FER1L6: variants seen among roughly 807,000 people sequenced by gnomAD.
The protein encoded by FER1L6 is fer-1-like protein 6.
A neutral mutation model predicts 219.2 loss-of-function variants in FER1L6; 177 were observed. The ratio of observed to expected loss-of-function variants is 0.81; its 90% CI spans 0.71 to 0.91. The LOEUF (loss-of-function observed/expected upper bound fraction) is 0.91, where lower values mean the gene tolerates loss of function less well. Ranked by LOEUF, FER1L6 falls within the 40% of genes least tolerant of loss-of-function variation. The pLI is 0.00. For missense variants in FER1L6, 2,153 were observed against 2,259.9 expected (o/e 0.95, Z 0.96); for synonymous variants, 768 against 824.3 (o/e 0.93, Z 1.17).
intron 12 of FER1L6, among the ~76,000 whole-genome samples, chr8:124,001,276 C>T (rs1288830186): frequency 6.6e-6 from 1 of 152,196 alleles, no homozygotes; most frequent in African/African-American, 2.4e-5. Context: ...CCTTTTGACT[C>T]ATGAAGATAC....
At chr8:124,109,353 G>A (rs752556496) in intron 39 of FER1L6, among the ~76,000 whole-genome samples, 1 of 152,166 alleles carries the variant, frequency 6.6e-6, no homozygotes, top group African/African-American at 2.4e-5. Context: ...CATCTTATCA[G>A]TTCTTTACTG....
intron 1 of FER1L6, among the ~76,000 whole-genome samples, chr8:123,950,661 G>A (rs140165551): frequency 6.6e-6 from 1 of 152,182 alleles, no homozygotes; most frequent in Non-Finnish European, 1.5e-5. Context: ...TGTTTGTTGA[G>A]TTGTGATATT....
intron 33 of FER1L6, among the ~76,000 whole-genome samples, chr8:124,089,075 AT>A (rs1182993146): frequency 6.6e-6 from 1 of 152,174 alleles, no homozygotes. Context: ...TTGCACAGGA[AT>A]TTCAGTCCCT....
chr8:124,092,359 T>G (rs756465869), intron 34 of FER1L6, among the ~76,000 whole-genome samples: 2 of 152,214 alleles, frequency 1.3e-5, no homozygotes, highest in Non-Finnish European at 2.9e-5. Context: ...GTCACAGAAG[T>G]AGAATTGTTG....
intron 2 of FER1L6, among the ~76,000 whole-genome samples, chr8:123,956,532 G>A (rs367770950): frequency 2.0e-5 from 3 of 152,212 alleles, no homozygotes; most frequent in Non-Finnish European, 2.9e-5. Context: ...CATCATCTTC[G>A]CAGTAGGTAT....
At chr8:124,090,052 A>G (rs972146595) in intron 33 of FER1L6, among the ~76,000 whole-genome samples, 1 of 152,148 alleles carries the variant, frequency 6.6e-6, no homozygotes, top group Non-Finnish European at 1.5e-5. Flanking sequence ...CTGATAATTG[A>G]CTTAACATTT....
chr8:123,934,988 T>G (rs181087308), intron 1 of FER1L6, among the ~76,000 whole-genome samples: 187 of 152,344 alleles, frequency 1.2e-3, no homozygotes, highest in African/African-American at 4.4e-3. Flanking sequence ...GTTAAGCCTG[T>G]AGAACTGTGA....
At chr8:124,027,821 C>T (rs567494619) in intron 18 of FER1L6, among the ~76,000 whole-genome samples, 4 of 152,238 alleles carry the variant, frequency 2.6e-5, no homozygotes, top group African/African-American at 9.6e-5. Flanking sequence ...CTTGGCCTCC[C>T]AAAGCACTGA....
chr8:123,913,317 T>C (rs1813093542), intron 1 of FER1L6, among the ~76,000 whole-genome samples: 1 of 148,020 alleles, frequency 6.8e-6, no homozygotes, highest in African/African-American at 2.4e-5. Flanking sequence ...TTTGTTCATA[T>C]GTTAAATAAT....
chr8:124,091,055 T>C (rs2130943690), intron 33 of FER1L6, among the ~76,000 whole-genome samples: 1 of 152,282 alleles, frequency 6.6e-6, no homozygotes, highest in Admixed American at 6.5e-5. Flanking sequence ...GGTTTTCTTT[T>C]GGGATGATGA....
Position 124,035,344 on chromosome 8 carries a change from C to G in FER1L6, c.2354C>G (p.Ser785Cys). ...AKVDVYLWLG[S>C]IKHASAILDN... ...GTCGACGTGTACCTGTGGCTGGGCT[C>G]CATCAAGCATGCCAGTGCCATTTTG... is the stretch of plus-strand genomic sequence containing the variant. Residue 785 changes from serine to cysteine, a missense_variant, in exon 19 of 41, where the codon TCC becomes TGC. Transcript: ENST00000522917. 6.2e-7 allele frequency: 1 copy of G among 1,614,130 alleles called. No homozygotes were observed. Among genetic ancestry groups the G allele is most frequent in the Non-Finnish European group, 8.5e-7 (1 of 1,179,988 alleles).
intron 37 of FER1L6, among the ~76,000 whole-genome samples, chr8:124,098,554 CA>C (rs1040825276): frequency 2.6e-5 from 4 of 152,142 alleles, no homozygotes; most frequent in Non-Finnish European, 5.9e-5. Context: ...TCAAAATTCT[CA>C]TTTTTTTCAC....
intron 7 of FER1L6, 103 bp from the exon 8 acceptor site, chr8:123,975,047 A>G (rs951110856): frequency 3.7e-5 from 40 of 1,078,648 alleles, no homozygotes; most frequent in Non-Finnish European, 4.8e-5. Flanking sequence ...ACCTAGAGCA[A>G]CAGAGGGAGG....
Position 124,056,507 on chromosome 8 carries a change from T to C in FER1L6, c.2875-3673T>C, listed in dbSNP as rs141303645. Among the ~76,000 whole-genome samples the C allele has an allele frequency of 2.9e-3, 442 of 152,350 alleles. 3 individuals are homozygous for C. Among genetic ancestry groups the C allele is most frequent in the African/African-American group, 1.0e-2 (414 of 41,566 alleles). Reference sequence around the variant, plus strand: ...TGGTATAGATTTAACCTAAGTTCTATTGGCTTAAAAAATGAGATATTCTCT... The same window carrying C: ...TGGTATAGATTTAACCTAAGTTCTACTGGCTTAAAAAATGAGATATTCTCT... On this transcript the variant is annotated intron_variant, in intron 22 of 40. Coordinates refer to ENST00000522917, the MANE Select transcript of FER1L6 (RefSeq NM_001039112.2).
intron 6 of FER1L6, among the ~76,000 whole-genome samples, chr8:123,972,731 AGTTGC>A (rs1219199074): frequency 2.6e-5 from 4 of 152,228 alleles, no homozygotes; most frequent in African/African-American, 7.2e-5. Context: ...AAGACACTTC[AGTTGC>A]CATTGCCCTT....
At chr8:123,951,484 T>A (rs1405375309) in intron 1 of FER1L6, among the ~76,000 whole-genome samples, 1 of 152,188 alleles carries the variant, frequency 6.6e-6, no homozygotes, top group African/African-American at 2.4e-5. Flanking sequence ...ACTGCTTCTA[T>A]GTGTAGTGGT....
intron 1 of FER1L6, among the ~76,000 whole-genome samples, chr8:123,882,449 C>G (rs1817125930): frequency 6.6e-6 from 1 of 152,102 alleles, no homozygotes; most frequent in Non-Finnish European, 1.5e-5. Flanking sequence ...GTTTTGATTT[C>G]TCTTTGGGAA....
chr8:124,044,489 A>C (rs890371034), intron 20 of FER1L6, among the ~76,000 whole-genome samples: 2 of 152,196 alleles, frequency 1.3e-5, no homozygotes, highest in Non-Finnish European at 2.9e-5. Flanking sequence ...CTGTGACTAG[A>C]AATGACTCGA....
chr8:123,963,230 A>G (rs1174301503), intron 2 of FER1L6, 48 bp from the exon 3 acceptor site: 1 of 1,609,274 alleles, frequency 6.2e-7, no homozygotes, highest in Admixed American at 1.7e-5. Flanking sequence ...CTCGATTGCC[A>G]CCACATGTCA....
Sources: gnomAD v4.1 joint callset for allele counts (sites outside exome capture counted in the v4.1 genomes callset) on GRCh38, gnomAD v4.1.1 for gene constraint, MANE v1.5 for transcripts, NCBI Gene and HGNC (gene_info 2026-07-23, HGNC 2026-07-21) for gene names.